The following PCNX1 variants were observed in gnomAD, a reference collection of about 807,000 sequenced individuals.
The protein encoded by PCNX1 is pecanex 1.
Under a neutral mutation model 242.2 loss-of-function variants are expected in PCNX1, and 78 were observed. The observed-to-expected ratio is 0.32, with a 90% CI of 0.27 to 0.39. The LOEUF (loss-of-function observed/expected upper bound fraction) is 0.39. Among genes scored for constraint, PCNX1 ranks in the 10% least tolerant of loss-of-function variants. The pLI, the probability that PCNX1 is intolerant of heterozygous loss-of-function variation, is 1.00. For synonymous variants in PCNX1, 1,024 were observed against 1,032.9 expected (o/e 0.99, Z 0.17); for missense variants, 2,581 against 2,856.5 (o/e 0.90, Z 2.20).
rs1424553822 is a variant in PCNX1, at chr14:70,949,263, G to A, written c.362+2140G>A. 9.7e-3 allele frequency among the ~76,000 whole-genome samples: 232 copies of A among 24,028 alleles called. 1 individual carries two copies. The highest frequency in any genetic ancestry group is 0.026 in the African/African-American group (213 of 8,166). 15.8% of individuals were successfully genotyped at this position (24,028 alleles called of 152,430 possible). On this transcript the variant is annotated intron_variant, in intron 2 of 35. Coordinates refer to ENST00000304743, the MANE Select transcript of PCNX1 (RefSeq NM_014982.3). Reference sequence around the variant, plus strand: ...TATACACACGTGTATACACACACACGTGTATGCACACACGTGTATACACAC... The same window carrying A: ...TATACACACGTGTATACACACACACATGTATGCACACACGTGTATACACAC...
intron 1 of PCNX1, among the ~76,000 whole-genome samples, chr14:70,918,686 G>A (rs1387506329): frequency 6.6e-6 from 1 of 152,136 alleles, no homozygotes; most frequent in Non-Finnish European, 1.5e-5. Flanking sequence ...CACAACATAA[G>A]ATCTGCCTGC....
At position 70,946,909 on chromosome 14, in the gene PCNX1, T is replaced by C. The variant is rs766615739; in HGVS notation, c.154-6T>C. 6.7e-5 allele frequency: 106 copies of C among 1,579,626 alleles called. No homozygotes were observed. The highest frequency in any genetic ancestry group is 8.8e-5 in the Non-Finnish European group (101 of 1,149,128). On this transcript the variant is annotated splice_polypyrimidine_tract_variant and splice_region_variant and intron_variant, in intron 1 of 35. Coordinates refer to ENST00000304743, the MANE Select transcript of PCNX1 (RefSeq NM_014982.3). Reference sequence around the variant, plus strand: ...AATGTATTTCCTTATTTTCTTTCTCTTAAAGGCCCTTCCTTCTACCATGAT... The same window carrying C: ...AATGTATTTCCTTATTTTCTTTCTCCTAAAGGCCCTTCCTTCTACCATGAT...
At chr14:70,949,271 A>ACACACGTGTATG (rs1566608449) in intron 2 of PCNX1, among the ~76,000 whole-genome samples, 1 of 22,270 alleles carries the variant, frequency 4.5e-5, no homozygotes, top group African/African-American at 1.5e-4. Context: ...ACGTGTATGC[A>ACACACGTGTATG]CACACGTGTA....
At chr14:71,024,122 T>A (rs943865472) in intron 13 of PCNX1, among the ~76,000 whole-genome samples, 2 of 152,204 alleles carry the variant, frequency 1.3e-5, no homozygotes, top group African/African-American at 4.8e-5. Flanking sequence ...ATTTGCTTAA[T>A]CCCTTTCTAG....
chr14:70,972,286 C>T (rs1460053496), intron 5 of PCNX1, among the ~76,000 whole-genome samples: 1 of 151,562 alleles, frequency 6.6e-6, no homozygotes, highest in Non-Finnish European at 1.5e-5. Context: ...TTAGGGGGTT[C>T]AGTTCAGGGC....
rs778405476 is a variant in PCNX1 at position 70,977,796 on chromosome 14, T to G, written c.1459T>G (p.Ser487Ala). 6.2e-7 allele frequency: 1 copy of G among 1,614,066 alleles called. No individual in the cohort carries two copies. Among genetic ancestry groups the G allele is most frequent in the South Asian group, 1.1e-5 (1 of 91,074 alleles). The change falls in exon 6 of 36, where the codon TCT (serine) becomes GCT (alanine). Residue 487 changes from serine to alanine, a missense_variant. Transcript: ENST00000304743. Reference protein sequence around the residue: ...HNQRGLSTSASEEANKNPHAN... With the variant: ...HNQRGLSTSAAEEANKNPHAN... ...CCAGAGAGGTCTCAGCACCTCTGCA[T>G]CTGAAGAAGCCAATAAAAATCCCCA...
At chr14:71,051,497 A>T (rs570092727) in intron 23 of PCNX1, among the ~76,000 whole-genome samples, 2 of 152,310 alleles carry the variant, frequency 1.3e-5, no homozygotes, top group Non-Finnish European at 2.9e-5. Context: ...ATTTCTTAGA[A>T]GTATTTTCTA....
At chr14:71,021,551 G>A (rs2060101419) in intron 12 of PCNX1, among the ~76,000 whole-genome samples, 1 of 152,034 alleles carries the variant, frequency 6.6e-6, no homozygotes, top group African/African-American at 2.4e-5. Flanking sequence ...TCCATTTATA[G>A]CTAGACATGT....
intron 8 of PCNX1, among the ~76,000 whole-genome samples, chr14:71,000,270 C>G (rs1391721519): frequency 6.6e-6 from 1 of 152,032 alleles, no homozygotes; most frequent in South Asian, 2.1e-4. Context: ...ATCCTTACAA[C>G]AGAAATACAA....
In PCNX1 at chr14:71,022,217, A is replaced by G. The variant is rs542200344; in HGVS notation, c.3151-983A>G. On this transcript the variant is annotated intron_variant, in intron 12 of 35. Coordinates refer to ENST00000304743, the MANE Select transcript of PCNX1 (RefSeq NM_014982.3). ...TTGTATATTAAAATTACTGGTTGTC[A>G]GTCTTGCACTATACCTTTAGTGCCC... Among the ~76,000 whole-genome samples, 28 of 152,292 alleles carry G rather than the reference A, an allele frequency of 1.8e-4. 1 individual carries two copies. In the South Asian group the frequency reaches 5.8e-3, roughly 32 times the overall value.
intron 33 of PCNX1, 98 bp from the exon 34 acceptor site, chr14:71,108,506 A>G (rs1051446179): frequency 2.2e-6 from 2 of 909,276 alleles, no homozygotes; most frequent in Non-Finnish European, 3.4e-6. Context: ...CAGTTCACCA[A>G]TTAATTGCTT....
chr14:71,113,309 CAG>C lies in PCNX1; in HGVS notation c.*3376_*3377del, dbSNP rs992477931. 3.3e-5 allele frequency: 5 copies of C among 152,480 alleles called. No individual in the cohort carries two copies. The highest frequency in any genetic ancestry group is 1.2e-4 in the African/African-American group (5 of 41,412). 9.4% of individuals were successfully genotyped at this position (152,480 alleles called of 1,614,324 possible). A position where few individuals can be genotyped will look rare whatever the true frequency, so the allele number is the denominator to read the frequency against. ...TCTGAACTACTTATAATTCTTAAAA[CAG>C]AAGTAGTCAGACAATATTTGTATCC... On this transcript the variant is annotated 3_prime_UTR_variant, in exon 36 of 36. Transcript: ENST00000304743.
chr14:70,940,723 T>C (rs937067922), intron 1 of PCNX1, among the ~76,000 whole-genome samples: 1 of 152,232 alleles, frequency 6.6e-6, no homozygotes, highest in South Asian at 2.1e-4. Context: ...GAAGAGTGTC[T>C]TCCAACTTGG....
rs758335342 is a variant in PCNX1, at chr14:71,108,782, C to T, written c.6480C>T (p.Asn2160=). The T allele has an allele frequency of 6.8e-6, 11 of 1,614,158 alleles. No homozygotes were observed. In the Admixed American group the frequency reaches 1.7e-4, roughly 24 times the overall value. Residue 2160 remains asparagine, a synonymous_variant, in exon 34 of 36, where the codon AAC becomes AAT. Coordinates refer to ENST00000304743, the MANE Select transcript of PCNX1 (RefSeq NM_014982.3). ...CTACTAGTCAGATATCGCTTCGAAA[C>T]TTGCCATCATCCATCCAATCCCGAC... ...RSSTSQISLR[N]LPSSIQSRLS...
At chr14:71,094,930 C>G (rs2062233606) in intron 30 of PCNX1, among the ~76,000 whole-genome samples, 1 of 151,998 alleles carries the variant, frequency 6.6e-6, no homozygotes. Context: ...GACCTTGTCT[C>G]TAAAAAAAAC....
chr14:70,949,090 A>G lies in PCNX1; in HGVS notation c.362+1967A>G, dbSNP rs994945260. Among the ~76,000 whole-genome samples the G allele has an allele frequency of 4.1e-5, 6 of 147,662 alleles. No homozygotes were observed. The South Asian group carries it at 1.1e-3, about 26-fold the overall frequency. On this transcript the variant is annotated intron_variant, in intron 2 of 35. Transcript: ENST00000304743. ...TATAGACGTGTATATATACATGTGTATATATACATACATGTATATACGTAT... is the reference window on the plus strand; with the variant it reads ...TATAGACGTGTATATATACATGTGTGTATATACATACATGTATATACGTAT...
At chr14:70,963,040 A>G (rs2058270201) in intron 3 of PCNX1, among the ~76,000 whole-genome samples, 2 of 152,212 alleles carry the variant, frequency 1.3e-5, no homozygotes, top group Admixed American at 1.3e-4. Flanking sequence ...TCTTTTCATT[A>G]TATAGAAGAA....
intron 28 of PCNX1, among the ~76,000 whole-genome samples, chr14:71,079,649 CAT>C (rs1370409193): frequency 6.6e-6 from 1 of 152,040 alleles, no homozygotes; most frequent in Admixed American, 6.5e-5. Context: ...AACTTTTTTT[CAT>C]ATGTTTGTTA....
intron 12 of PCNX1, among the ~76,000 whole-genome samples, chr14:71,021,882 T>C (rs1017825738): frequency 6.6e-5 from 10 of 152,194 alleles, no homozygotes; most frequent in Non-Finnish European, 1.2e-4. Flanking sequence ...CTAGGACTTA[T>C]GTGGTTATCT....
Sources: gnomAD v4.1 joint callset for allele counts (sites outside exome capture counted in the v4.1 genomes callset) on GRCh38, gnomAD v4.1.1 for gene constraint, MANE v1.5 for transcripts, NCBI Gene and HGNC (gene_info 2026-07-23, HGNC 2026-07-21) for gene names.